The following MGAT4C variants were observed in gnomAD, a reference collection of about 807,000 sequenced individuals.
The protein encoded by MGAT4C is alpha-1,3-mannosyl-glycoprotein 4-beta-N-acetylglucosaminyltransferase C.
MGAT4C carries 19 observed loss-of-function variants against 40.1 expected under a neutral mutation model. The observed-to-expected ratio is 0.47, with a 90% confidence interval of 0.33 to 0.70. The LOEUF (loss-of-function observed/expected upper bound fraction) is 0.70, where lower values mean the gene tolerates loss of function less well. MGAT4C is among the 30% of genes least tolerant of loss of function. The pLI is 0.02. For synonymous variants in MGAT4C, 181 were observed against 187.1 expected (o/e 0.97, Z 0.27); for missense variants, 491 against 563.2 (o/e 0.87, Z 1.30).
At chr12:86,645,003 C>T (rs1034609532) in intron 2 of MGAT4C, among the ~76,000 whole-genome samples, 1 of 151,520 alleles carries the variant, frequency 6.6e-6, no homozygotes, top group African/African-American at 2.4e-5. Context: ...GTTGTGCTTC[C>T]ATGCAAATGT....
At chr12:86,289,235 C>T (rs117199928) in intron 4 of MGAT4C, among the ~76,000 whole-genome samples, 306 of 152,122 alleles carry the variant, frequency 2.0e-3, no homozygotes, top group Non-Finnish European at 3.6e-3. Context: ...GGCATTATTT[C>T]TGGGCTCTCT....
At position 86,344,744 on chromosome 12, in the gene MGAT4C, GTGTGTGTGTGTA is replaced by G. The variant is rs1413673971; in HGVS notation, c.-119-10629_-119-10618del. Reference sequence around the variant, plus strand: ...TGTGTGTGTGTGTGTGTGTGTGTGTGTGTGTGTGTGTATGTGTGTGTGTGTGTGTGTAGCGGC... The same window carrying G: ...TGTGTGTGTGTGTGTGTGTGTGTGTGTGTGTGTGTGTGTGTGTGTAGCGGC... On this transcript the variant is annotated intron_variant, in intron 3 of 7. Coordinates refer to the MGAT4C transcript ENST00000548651. Among the ~76,000 whole-genome samples the G allele has an allele frequency of 4.3e-4, 54 of 124,490 alleles. 1 individual carries two copies. The highest frequency in any genetic ancestry group is 1.4e-3 in the African/African-American group (50 of 36,882). The allele number at this position is 124,490 out of a possible 152,430, so 81.7% of individuals were successfully genotyped here.
At chr12:86,481,791 T>C (rs2136313810) in intron 2 of MGAT4C, among the ~76,000 whole-genome samples, 1 of 152,002 alleles carries the variant, frequency 6.6e-6, no homozygotes, top group East Asian at 1.9e-4. Context: ...TATTTTTCAC[T>C]TTTTTTAAAG....
intron 1 of MGAT4C, among the ~76,000 whole-genome samples, chr12:86,804,045 A>T (rs1330394574): frequency 7.0e-6 from 1 of 143,302 alleles, no homozygotes; most frequent in Non-Finnish European, 1.5e-5. Flanking sequence ...GACTGGATTA[A>T]GAAAATGTGG....
At chr12:86,315,015 C>T (rs918448308) in intron 4 of MGAT4C, among the ~76,000 whole-genome samples, 3 of 89,132 alleles carry the variant, frequency 3.4e-5, no homozygotes, top group South Asian at 4.5e-4. Context: ...TCATATAGAA[C>T]TGAAAAAAAA....
chr12:86,718,858 C>G (rs1467803718), intron 2 of MGAT4C, among the ~76,000 whole-genome samples: 1 of 152,094 alleles, frequency 6.6e-6, no homozygotes, highest in Non-Finnish European at 1.5e-5. Context: ...ATCCCACCCC[C>G]TCCATGGAAA....
At chr12:86,716,948 T>A (rs2136639281) in intron 2 of MGAT4C, among the ~76,000 whole-genome samples, 1 of 152,244 alleles carries the variant, frequency 6.6e-6, no homozygotes, top group East Asian at 1.9e-4. Flanking sequence ...TACTATAATC[T>A]AAGCTGTTGT....
chr12:86,076,045 A>G (rs1350451003), intron 1 of MGAT4C, among the ~76,000 whole-genome samples: 1 of 152,206 alleles, frequency 6.6e-6, no homozygotes, highest in African/African-American at 2.4e-5. Context: ...AAGTTTGTGA[A>G]CTTTTGTGCT....
At chr12:86,365,019 T>C (rs1208925422) in intron 3 of MGAT4C, among the ~76,000 whole-genome samples, 2 of 152,074 alleles carry the variant, frequency 1.3e-5, no homozygotes, top group Non-Finnish European at 2.9e-5. Context: ...TAGGTGGGAA[T>C]TTCCTCGTCC....
At position 86,191,673 on chromosome 12, in the gene MGAT4C, A is replaced by C. The variant is rs74879206; in HGVS notation, c.-57+64566T>G. On this transcript the variant is annotated intron_variant, in intron 1 of 4. Transcript: ENST00000611864. ...CACACACACACACACACACACACACACCCTTATCTCCTGTAGCAAAATTCA... is the reference window on the plus strand; with the variant it reads ...CACACACACACACACACACACACACCCCCTTATCTCCTGTAGCAAAATTCA... 9.3e-3 allele frequency among the ~76,000 whole-genome samples: 1,133 copies of C among 122,298 alleles called. 10 individuals carry two copies. The highest frequency in any genetic ancestry group is 0.022 in the Middle Eastern group (5 of 232). The allele number at this position is 122,298 out of a possible 152,430, so 80.2% of individuals were successfully genotyped here.
At chr12:86,286,409 T>A (rs1415112228) in intron 4 of MGAT4C, among the ~76,000 whole-genome samples, 1 of 152,150 alleles carries the variant, frequency 6.6e-6, no homozygotes, top group African/African-American at 2.4e-5. Flanking sequence ...CTTATACTTG[T>A]TTGAGAAAGA....
chr12:86,468,330 C>T (rs1215968090), intron 2 of MGAT4C, among the ~76,000 whole-genome samples: 2 of 151,934 alleles, frequency 1.3e-5, no homozygotes, highest in East Asian at 3.9e-4. Flanking sequence ...TCCAGGCTAC[C>T]ATAAAATCTT....
chr12:86,817,566 T>A (rs548844680), intron 1 of MGAT4C, among the ~76,000 whole-genome samples: 1 of 151,636 alleles, frequency 6.6e-6, no homozygotes, highest in South Asian at 2.1e-4. Flanking sequence ...AATCTAGCAT[T>A]TATTGAGAAA....
chr12:86,783,888 A>G (rs1951887164), intron 1 of MGAT4C, among the ~76,000 whole-genome samples: 1 of 152,126 alleles, frequency 6.6e-6, no homozygotes, highest in African/African-American at 2.4e-5. Flanking sequence ...ACTGCTTACT[A>G]TGGGTGGAAG....
intron 4 of MGAT4C, among the ~76,000 whole-genome samples, chr12:86,314,049 G>C (rs1004041501): frequency 2.0e-5 from 3 of 152,168 alleles, no homozygotes; most frequent in Admixed American, 1.3e-4. Context: ...TGTATCAATG[G>C]AAATGGATAA....
chr12:86,239,674 A>G (rs2136039963), intron 1 of MGAT4C, among the ~76,000 whole-genome samples: 1 of 152,168 alleles, frequency 6.6e-6, no homozygotes, highest in South Asian at 2.1e-4. Context: ...GGTAAGCTAT[A>G]ACAATTAAGT....
chr12:86,758,635 T>A (rs1304035292), intron 1 of MGAT4C, among the ~76,000 whole-genome samples: 1 of 152,022 alleles, frequency 6.6e-6, no homozygotes, highest in Non-Finnish European at 1.5e-5. Flanking sequence ...GCTTCATAGG[T>A]TTCTGCATGT....
intron 3 of MGAT4C, among the ~76,000 whole-genome samples, chr12:85,987,495 A>G (rs996304665): frequency 6.6e-6 from 1 of 152,126 alleles, no homozygotes; most frequent in Admixed American, 6.5e-5. Context: ...CTGATTTGCA[A>G]ATTTGAGTAG....
At chr12:86,454,862 T>C in intron 2 of MGAT4C, among the ~76,000 whole-genome samples, 2 of 152,250 alleles carry the variant, frequency 1.3e-5, no homozygotes, top group Middle Eastern at 6.8e-3. Flanking sequence ...AATTGAGATA[T>C]TTAATCCAAC....
Sources: allele counts gnomAD v4.1 joint callset (sites outside exome capture counted in the v4.1 genomes callset), GRCh38; gene constraint gnomAD v4.1.1; transcripts MANE v1.5; gene names NCBI Gene and HGNC (gene_info 2026-07-23, HGNC 2026-07-21).